Variants in RBPJ observed in about 807,000 individuals in gnomAD.
RBPJ encodes the protein recombining binding protein suppressor of hairless.
RBPJ carries 9 observed loss-of-function variants against 67.8 expected under a neutral mutation model. The ratio of observed to expected loss-of-function variants is 0.13; its 90% CI spans 0.08 to 0.23. The LOEUF is 0.23. Among genes scored for constraint, RBPJ ranks in the 10% least tolerant of loss-of-function variants. The pLI is 1.00. For synonymous variants in RBPJ, 198 were observed against 203.3 expected (o/e 0.97, Z 0.22); for missense variants, 305 against 595.6 (o/e 0.51, Z 5.08).
chr4:26,185,390 C>G (rs1717205745), intron 1 of RBPJ, among the ~76,000 whole-genome samples: 1 of 152,102 alleles, frequency 6.6e-6, no homozygotes, highest in Non-Finnish European at 1.5e-5. Context: ...TTTCTCTCCT[C>G]AACACCACGG....
chr4:26,291,326 T>A (rs1345914072), intron 1 of RBPJ, among the ~76,000 whole-genome samples: 1 of 149,748 alleles, frequency 6.7e-6, no homozygotes, highest in Non-Finnish European at 1.5e-5. Flanking sequence ...AAATATTAAT[T>A]TTCATGGCAT....
At chr4:26,378,007 T>C (rs1729936492) in intron 1 of RBPJ, among the ~76,000 whole-genome samples, 2 of 152,142 alleles carry the variant, frequency 1.3e-5, no homozygotes, top group Admixed American at 1.3e-4. Flanking sequence ...GAAGGGGAGA[T>C]GAGAAATGTA....
chr4:26,300,269 G>C (rs1722032978), intron 1 of RBPJ, among the ~76,000 whole-genome samples: 1 of 152,024 alleles, frequency 6.6e-6, no homozygotes, highest in Non-Finnish European at 1.5e-5. Context: ...GGGTGGTCTT[G>C]ATGATAAATG....
intron 1 of RBPJ, among the ~76,000 whole-genome samples, chr4:26,285,199 C>T (rs1577388808): frequency 6.6e-6 from 1 of 151,976 alleles, no homozygotes; most frequent in Non-Finnish European, 1.5e-5. Flanking sequence ...GTCCAGACTC[C>T]GGAAAGGCAT....
chr4:26,235,676 G>C (rs2109211358), intron 1 of RBPJ, among the ~76,000 whole-genome samples: 1 of 152,302 alleles, frequency 6.6e-6, no homozygotes, highest in Non-Finnish European at 1.5e-5. Flanking sequence ...AGCTGTTCCA[G>C]AGCTCTCTGG....
chr4:26,419,816 A>G (rs532270998), intron 4 of RBPJ, among the ~76,000 whole-genome samples: 127 of 152,274 alleles, frequency 8.3e-4, no homozygotes, highest in African/African-American at 2.8e-3. Flanking sequence ...GTAAAGTGCT[A>G]TATCTCTTTA....
intron 1 of RBPJ, among the ~76,000 whole-genome samples, chr4:26,186,560 G>A (rs1043571015): frequency 6.6e-6 from 1 of 152,158 alleles, no homozygotes; most frequent in Admixed American, 6.5e-5. Flanking sequence ...GACCCTCTGA[G>A]GTCAGGGTTG....
chr4:26,236,510 G>T (rs1051345275), intron 1 of RBPJ, among the ~76,000 whole-genome samples: 1 of 152,172 alleles, frequency 6.6e-6, no homozygotes, highest in Non-Finnish European at 1.5e-5. Flanking sequence ...CCACTTCCAA[G>T]GTGGGGCACT....
At chr4:26,152,071 G>A in the RBPJ span, among the ~76,000 whole-genome samples, 1 of 152,200 alleles carries the variant, frequency 6.6e-6, no homozygotes. Flanking sequence ...CCTACGTTGT[G>A]CCAGAAAGTT....
the RBPJ span, among the ~76,000 whole-genome samples, chr4:26,119,716 C>T: frequency 6.6e-6 from 1 of 152,218 alleles, no homozygotes; most frequent in Non-Finnish European, 1.5e-5. Flanking sequence ...TAGCACCTCT[C>T]ATAGGGTATA....
intron 1 of RBPJ, among the ~76,000 whole-genome samples, chr4:26,372,352 G>A (rs1042974724): frequency 6.6e-6 from 1 of 152,204 alleles, no homozygotes. Flanking sequence ...AGAAGTTGGT[G>A]AGAGGAGGAA....
rs1029201733 is a variant in RBPJ, at chr4:26,389,639, A to T, written c.59+3248A>T. Among the ~76,000 whole-genome samples, 15 of 151,280 alleles carry T rather than the reference A, an allele frequency of 9.9e-5. 1 individual carries two copies. Among genetic ancestry groups the T allele is most frequent in the African/African-American group, 3.6e-4 (15 of 41,110 alleles). On this transcript the variant is annotated intron_variant, in intron 2 of 10. Coordinates refer to ENST00000355476, the MANE Select transcript of RBPJ (RefSeq NM_015874.6). ...AGAAAGGTGACATCACTATAGAGTCACAGATGTTTGAAGGATAATAAGTGA... is the reference window on the plus strand; with the variant it reads ...AGAAAGGTGACATCACTATAGAGTCTCAGATGTTTGAAGGATAATAAGTGA...
In RBPJ at chr4:26,221,572, G is replaced by C. The variant is rs115438036; in HGVS notation, c.-167+57958G>C. Among the ~76,000 whole-genome samples, 1,306 of 152,256 alleles carry C rather than the reference G, an allele frequency of 8.6e-3. 24 individuals carry two copies. Among genetic ancestry groups the C allele is most frequent in the African/African-American group, 0.031 (1,269 of 41,538 alleles). On this transcript the variant is annotated intron_variant, in intron 1 of 4. Transcript: ENST00000512351. The stretch of plus-strand genomic sequence containing the variant: ...GCATAGGTATAGAATGAGAGAGACG[G>C]CGAGACCCTTGGGCTAGATGTCTGG...
the RBPJ span, among the ~76,000 whole-genome samples, chr4:26,122,068 CA>C: frequency 6.6e-6 from 1 of 152,038 alleles, no homozygotes; most frequent in Admixed American, 6.6e-5. Flanking sequence ...CAAGGCTAAT[CA>C]GAATCATCTC....
chr4:26,348,660 C>T (rs930955231), intron 1 of RBPJ, among the ~76,000 whole-genome samples: 2 of 152,034 alleles, frequency 1.3e-5, no homozygotes, highest in African/African-American at 4.8e-5. Flanking sequence ...CAAAGCTTTT[C>T]ACCTCAACAA....
the RBPJ span, among the ~76,000 whole-genome samples, chr4:26,128,507 T>C: frequency 1.3e-5 from 2 of 152,322 alleles, no homozygotes; most frequent in East Asian, 3.9e-4. Flanking sequence ...TATCCCTATT[T>C]GACACATTAA....
chr4:26,207,835 C>T (rs1718222618), intron 1 of RBPJ, among the ~76,000 whole-genome samples: 1 of 152,170 alleles, frequency 6.6e-6, no homozygotes, highest in South Asian at 2.1e-4. Flanking sequence ...GAAACCACAA[C>T]AACACACCAA....
At chr4:26,216,965 G>GA (rs1002021562) in intron 1 of RBPJ, among the ~76,000 whole-genome samples, 7 of 151,984 alleles carry the variant, frequency 4.6e-5, no homozygotes, top group African/African-American at 1.7e-4. Context: ...GTGTGTCTTT[G>GA]AAAAAAATTA....
upstream of RBPJ, among the ~76,000 whole-genome samples, chr4:26,319,222 C>T (rs1422679483): frequency 1.3e-5 from 2 of 152,024 alleles, no homozygotes; most frequent in Non-Finnish European, 2.9e-5. Flanking sequence ...GAAACCTCCC[C>T]GGGAGATCGG....
Sources: allele counts gnomAD v4.1 joint callset (sites outside exome capture counted in the v4.1 genomes callset), GRCh38; gene constraint gnomAD v4.1.1; transcripts MANE v1.5; gene names NCBI Gene and HGNC (gene_info 2026-07-23, HGNC 2026-07-21).